Variants in OMA1 observed in about 807,000 individuals in gnomAD.
The protein encoded by OMA1 is metalloendopeptidase OMA1, mitochondrial.
Under a neutral mutation model 30.9 loss-of-function variants are expected in OMA1, and 38 were observed. The observed-to-expected ratio is 1.23, with a 90% CI of 0.95 to 1.61. The LOEUF is 1.61. OMA1 is among the 40% of genes most tolerant of loss of function. OMA1 has a pLI of 0.00. For synonymous variants in OMA1, 173 were observed against 121.9 expected (o/e 1.42, Z -2.76); for missense variants, 461 against 349.2 (o/e 1.32, Z -2.55).
chr1:58,481,275 T>C (rs338224), intron 8 of OMA1, 101 bp from the exon 9 acceptor site: 158,021 of 434,336 alleles, frequency 0.36, 32,321 homozygotes, highest in African/African-American at 0.68. Flanking sequence ...ACAAAGAATG[T>C]ATTGTTATTT....
At chr1:58,488,615 C>T (rs569984755) in intron 8 of OMA1, among the ~76,000 whole-genome samples, 2 of 151,964 alleles carry the variant, frequency 1.3e-5, no homozygotes, top group African/African-American at 4.9e-5. Context: ...CCATGTCTCG[C>T]TAATTTTTGT....
At chr1:58,481,740 G>T (rs11207238) in intron 8 of OMA1, among the ~76,000 whole-genome samples, 8 of 151,920 alleles carry the variant, frequency 5.3e-5, no homozygotes, top group African/African-American at 1.9e-4. Context: ...GGTGTTTCCC[G>T]TGCTGTTCTC....
chr1:58,490,552 G>A (rs2100373910), intron 8 of OMA1, among the ~76,000 whole-genome samples: 1 of 152,094 alleles, frequency 6.6e-6, no homozygotes, highest in Admixed American at 6.5e-5. Flanking sequence ...CCCCAATCTA[G>A]CAAGGCAGGC....
intron 8 of OMA1, among the ~76,000 whole-genome samples, chr1:58,502,241 A>G (rs1376884155): frequency 1.3e-5 from 2 of 152,204 alleles, no homozygotes; most frequent in Admixed American, 6.5e-5. Context: ...CTAATCACAG[A>G]CCCACAGAAT....
At chr1:58,540,700 G>GA (rs1174062131) in intron 1 of OMA1, among the ~76,000 whole-genome samples, 1 of 145,368 alleles carries the variant, frequency 6.9e-6, no homozygotes, top group Admixed American at 7.4e-5. Context: ...GAAATACAGA[G>GA]AAAAAATACA....
At chr1:58,487,955 A>C (rs1164244474) in intron 8 of OMA1, among the ~76,000 whole-genome samples, 3 of 152,158 alleles carry the variant, frequency 2.0e-5, no homozygotes, top group African/African-American at 2.4e-5. Flanking sequence ...TAATCTAATG[A>C]TTATGACTTT....
In OMA1 at chr1:58,480,947, T is replaced by A. The variant is rs1343090904; in HGVS notation, c.*18A>T. 1 of 852,712 alleles carries A rather than the reference T, an allele frequency of 1.2e-6. No individual in the cohort carries two copies. Among genetic ancestry groups the A allele is most frequent in the African/African-American group, 1.6e-5 (1 of 60,826 alleles). The allele number at this position is 852,712 out of a possible 1,614,324, so 52.8% of individuals were successfully genotyped here. A position where few individuals can be genotyped will look rare whatever the true frequency, so the allele number is the denominator to read the frequency against. ...ACTGCAACATTCTTCATATATCTTG[T>A]GTCTCATAAATTTTAATTCAACTGC... On this transcript the variant is annotated 3_prime_UTR_variant, in exon 9 of 9. Transcript: ENST00000371226.
At chr1:58,543,282 T>C (rs181434926) in intron 1 of OMA1, among the ~76,000 whole-genome samples, 2 of 152,342 alleles carry the variant, frequency 1.3e-5, no homozygotes, top group East Asian at 3.9e-4. Context: ...CATTTTAATA[T>C]TATACATGTT....
rs1348895265 is a variant in OMA1, at chr1:58,490,794, T to C, written c.1366-9620A>G. ...GAGAGTGGGGGCCAATAGTCAACAT[T>C]CTTTTTTTTTTTTTTTTTTTTTTTT... On this transcript the variant is annotated intron_variant, in intron 8 of 8. Coordinates refer to ENST00000371226, the MANE Select transcript of OMA1 (RefSeq NM_145243.5). 6.0e-5 allele frequency among the ~76,000 whole-genome samples: 7 copies of C among 117,224 alleles called. No individual in the cohort carries two copies. In the East Asian group the frequency reaches 1.2e-3, roughly 21 times the overall value. The allele number at this position is 117,224 out of a possible 152,430, so 76.9% of individuals were successfully genotyped here. A position where few individuals can be genotyped will look rare whatever the true frequency, so the allele number is the denominator to read the frequency against.
chr1:58,534,539 TAA>T (rs993169374), intron 3 of OMA1, among the ~76,000 whole-genome samples: 1 of 152,250 alleles, frequency 6.6e-6, no homozygotes, highest in Non-Finnish European at 1.5e-5. Context: ...ATTCTAATAC[TAA>T]GTTTTTTTAT....
chr1:58,545,919 C>T (rs1318804604), intron 1 of OMA1, among the ~76,000 whole-genome samples: 1 of 152,218 alleles, frequency 6.6e-6, no homozygotes. Flanking sequence ...TGTCAGACTA[C>T]ACCCCTTCAC....
chr1:58,527,450 T>C (rs1374585493), intron 6 of OMA1, 115 bp from the exon 7 acceptor site: 1 of 642,532 alleles, frequency 1.6e-6, no homozygotes, highest in African/African-American at 1.8e-5. Flanking sequence ...AAAATTCCTA[T>C]ACTGTCTACT....
intron 7 of OMA1, among the ~76,000 whole-genome samples, chr1:58,506,533 T>C (rs186229380): frequency 6.6e-6 from 1 of 152,306 alleles, no homozygotes; most frequent in African/African-American, 2.4e-5. Flanking sequence ...GGTATCACAG[T>C]ACTGAAATAA....
chr1:58,487,653 A>T (rs1190590560), intron 8 of OMA1, among the ~76,000 whole-genome samples: 1 of 152,164 alleles, frequency 6.6e-6, no homozygotes, highest in African/African-American at 2.4e-5. Flanking sequence ...ATAGTTTTTT[A>T]AATTTGATTT....
intron 8 of OMA1, among the ~76,000 whole-genome samples, chr1:58,501,135 A>C (rs1645900116): frequency 6.6e-6 from 1 of 152,226 alleles, no homozygotes; most frequent in Non-Finnish European, 1.5e-5. Flanking sequence ...TATTAACTAC[A>C]AGTAATATTG....
chr1:58,530,878 G>T (rs1646424725), intron 5 of OMA1, 149 bp from the exon 6 acceptor site: 3 of 567,074 alleles, frequency 5.3e-6, no homozygotes, highest in South Asian at 2.3e-5. Context: ...ATTCTTTCCG[G>T]GTCTGTTTTT....
chr1:58,493,240 TA>T (rs1343118896), intron 8 of OMA1, among the ~76,000 whole-genome samples: 1 of 152,058 alleles, frequency 6.6e-6, no homozygotes, highest in Non-Finnish European at 1.5e-5. Flanking sequence ...AAACTCTCAA[TA>T]AATTAGGTAT....
intron 7 of OMA1, among the ~76,000 whole-genome samples, chr1:58,515,986 C>T (rs994530902): frequency 1.3e-5 from 2 of 152,184 alleles, no homozygotes; most frequent in African/African-American, 4.8e-5. Context: ...ACCTAATGCC[C>T]TCACTAGATG....
intron 1 of OMA1, among the ~76,000 whole-genome samples, chr1:58,540,243 A>G (rs1646585721): frequency 6.6e-6 from 1 of 151,790 alleles, no homozygotes; most frequent in Admixed American, 6.6e-5. Flanking sequence ...AGCAACCCCC[A>G]AAAAGATTAA....
Sources: allele counts gnomAD v4.1 joint callset (sites outside exome capture counted in the v4.1 genomes callset), GRCh38; gene constraint gnomAD v4.1.1; transcripts MANE v1.5; gene names NCBI Gene and HGNC (gene_info 2026-07-23, HGNC 2026-07-21).